The following PCLAF variants were observed in gnomAD, a reference collection of about 807,000 sequenced individuals.
The protein encoded by PCLAF is PCNA-associated factor.
Under a neutral mutation model 15.1 loss-of-function variants are expected in PCLAF, and 12 were observed. The ratio of observed to expected loss-of-function variants is 0.79; its 90% CI spans 0.51 to 1.29. PCLAF has a LOEUF of 1.29. PCLAF is among the 50% of genes most tolerant of loss of function. PCLAF has a pLI of 0.00. For synonymous variants in PCLAF, 33 were observed against 47.1 expected (o/e 0.70, Z 1.22); for missense variants, 116 against 130.9 (o/e 0.89, Z 0.56).
In PCLAF at chr15:64,381,274, A is replaced by T. The variant is rs201419596; in HGVS notation, c.46+52T>A. On this transcript the variant is annotated intron_variant, in intron 1 of 3. Coordinates refer to ENST00000300035, the MANE Select transcript of PCLAF (RefSeq NM_014736.6). ...CCTCTGGCGTCTGTCGCCCGTGGCCAGGCTGCCGGGAGGACCCCCCCGCCC... is the reference window on the plus strand; with the variant it reads ...CCTCTGGCGTCTGTCGCCCGTGGCCTGGCTGCCGGGAGGACCCCCCCGCCC... The T allele has an allele frequency of 2.4e-4, 384 of 1,604,296 alleles. 2 individuals carry two copies. Among genetic ancestry groups the T allele is most frequent in the Non-Finnish European group, 4.3e-5 (50 of 1,171,146 alleles).
In PCLAF at chr15:64,365,879, A is replaced by G; in HGVS notation, c.*151T>C. The G allele has an allele frequency of 1.5e-6, 1 of 655,654 alleles. No homozygotes were observed. Among genetic ancestry groups the G allele is most frequent in the Non-Finnish European group, 2.6e-6 (1 of 377,572 alleles). 40.6% of individuals were successfully genotyped at this position (655,654 alleles called of 1,614,324 possible). A position where few individuals can be genotyped will look rare whatever the true frequency, so the allele number is the denominator to read the frequency against. On this transcript the variant is annotated 3_prime_UTR_variant, in exon 4 of 4. Transcript: ENST00000300035. ...AGTCTTACAAATTCTCAAATTTCAC[A>G]ACTACTTTTGAACATCTAAATTTAA...
chr15:64,377,487 AAATATAT>A (rs1899645412), intron 2 of PCLAF, among the ~76,000 whole-genome samples: 4 of 39,702 alleles, frequency 1.0e-4, no homozygotes, highest in Non-Finnish European at 1.0e-4. Context: ...AAAAAAAAAA[AAATATAT>A]ATATATATAT....
chr15:64,383,704 G>A (rs1473489440), upstream of PCLAF, among the ~76,000 whole-genome samples: 3 of 152,046 alleles, frequency 2.0e-5, no homozygotes, highest in African/African-American at 7.2e-5. Context: ...TTCCTTTCCA[G>A]TTTAAGTGGC....
At chr15:64,385,928 G>A (rs760849552), upstream of PCLAF, among the ~76,000 whole-genome samples, 11 of 152,148 alleles carry the variant, frequency 7.2e-5, no homozygotes, top group Non-Finnish European at 1.2e-4. Context: ...TCACAACTTG[G>A]ACTGAGCCAG....
chr15:64,364,846 C>G lies in PCLAF; in HGVS notation c.*1184G>C, dbSNP rs1898967155. On this transcript the variant is annotated 3_prime_UTR_variant, in exon 4 of 4. Coordinates refer to ENST00000300035, the MANE Select transcript of PCLAF (RefSeq NM_014736.6). ...GGATTACAGGCATGTGCCACCATGC[C>G]TGGCTCATTTTTTCATTTTTAGTAG... 6.6e-6 allele frequency: 1 copy of G among 151,552 alleles called. No individual in the cohort carries two copies. Among genetic ancestry groups the G allele is most frequent in the Non-Finnish European group, 1.5e-5 (1 of 67,992 alleles). 9.4% of individuals were successfully genotyped at this position (151,552 alleles called of 1,614,324 possible).
chr15:64,377,116 A>G (rs2077521053), intron 2 of PCLAF, among the ~76,000 whole-genome samples: 1 of 152,068 alleles, frequency 6.6e-6, no homozygotes, highest in African/African-American at 2.4e-5. Flanking sequence ...CAATAACAGT[A>G]GTAACAGAAT....
rs553888960 is a variant in PCLAF at position 64,381,109 on chromosome 15, C to G, written c.47-71G>C. On this transcript the variant is annotated intron_variant, in intron 1 of 3. Coordinates refer to ENST00000300035, the MANE Select transcript of PCLAF (RefSeq NM_014736.6). ...TCCGACACCGAGTCCTGGACCCCAGCAGCTTGGAGAGGAGAGCCTGGCGAT... is the reference window on the plus strand; with the variant it reads ...TCCGACACCGAGTCCTGGACCCCAGGAGCTTGGAGAGGAGAGCCTGGCGAT... 1.9e-5 allele frequency: 28 copies of G among 1,461,598 alleles called. No individual in the cohort carries two copies. In the East Asian group the frequency reaches 6.4e-4, roughly 33 times the overall value. The allele number at this position is 1,461,598 out of a possible 1,614,324, so 90.5% of individuals were successfully genotyped here.
intron 3 of PCLAF, 84 bp from the exon 4 acceptor site, chr15:64,366,159 A>G: frequency 1.0e-6 from 1 of 957,144 alleles, no homozygotes; most frequent in Non-Finnish European, 1.6e-6. Flanking sequence ...TAAATCAGGA[A>G]CATTAATTAA....
intron 1 of PCLAF, 115 bp downstream of exon 1, chr15:64,381,211 G>A: frequency 7.4e-7 from 1 of 1,346,276 alleles, no homozygotes; most frequent in Non-Finnish European, 1.1e-6. Flanking sequence ...CTACTCCCTG[G>A]CTAGCTAGAT....
chr15:64,382,226 C>T (rs1345451907), upstream of PCLAF, among the ~76,000 whole-genome samples: 4 of 151,640 alleles, frequency 2.6e-5, no homozygotes. Flanking sequence ...CCCGTCTCTA[C>T]AAAAAATATA....
intron 3 of PCLAF, among the ~76,000 whole-genome samples, chr15:64,367,477 T>C (rs1899088394): frequency 6.6e-6 from 1 of 150,866 alleles, no homozygotes; most frequent in African/African-American, 2.4e-5. Context: ...CACTCCAGCC[T>C]GGGCAACAAG....
upstream of PCLAF, among the ~76,000 whole-genome samples, chr15:64,383,578 G>T (rs374372300): frequency 1.3e-5 from 2 of 152,074 alleles, no homozygotes; most frequent in South Asian, 2.1e-4. Context: ...TGTTGGCCAG[G>T]CTGGTCTCAA....
chr15:64,378,912 GA>G (rs1028747942), intron 2 of PCLAF, among the ~76,000 whole-genome samples: 144 of 137,100 alleles, frequency 1.1e-3, no homozygotes, highest in Admixed American at 1.2e-3. Context: ...CTGTGTCTCA[GA>G]AAAAAAAAAA....
At chr15:64,375,105 T>G (rs1899553875) in intron 3 of PCLAF, among the ~76,000 whole-genome samples, 2 of 152,082 alleles carry the variant, frequency 1.3e-5, no homozygotes, top group African/African-American at 4.8e-5. Context: ...TTTTCCATAT[T>G]GGTCATATTT....
At chr15:64,370,566 G>A (rs545120293) in intron 3 of PCLAF, among the ~76,000 whole-genome samples, 7 of 151,598 alleles carry the variant, frequency 4.6e-5, no homozygotes, top group Admixed American at 3.3e-4. Flanking sequence ...CGGGGGTTTC[G>A]CCGTGTTGGC....
Position 64,381,366 on chromosome 15 carries a change from C to T in PCLAF, c.6G>A (p.Val2=), listed in dbSNP as rs781735423. The change falls in exon 1 of 4, where the codon GTG becomes GTA. Residue 2 remains valine, a synonymous_variant. Transcript: ENST00000300035. M[V]RTKADSVPGT... Reference sequence around the variant, plus strand: ...CTGGAACACTGTCTGCTTTAGTCCGCACCATGTTCAAACAAGAAGAGAGGA... The same window carrying T: ...CTGGAACACTGTCTGCTTTAGTCCGTACCATGTTCAAACAAGAAGAGAGGA... 19 of 1,614,010 alleles carry T rather than the reference C, an allele frequency of 1.2e-5. No individual in the cohort carries two copies. Among genetic ancestry groups the T allele is most frequent in the Non-Finnish European group, 1.4e-5 (17 of 1,180,034 alleles).
chr15:64,383,181 AG>A (rs1406103543), upstream of PCLAF, among the ~76,000 whole-genome samples: 1 of 152,218 alleles, frequency 6.6e-6, no homozygotes, highest in Non-Finnish European at 1.5e-5. Flanking sequence ...CACAGATTTA[AG>A]GAATCTAGGC....
chr15:64,377,183 T>C (rs1899627561), intron 2 of PCLAF, among the ~76,000 whole-genome samples: 1 of 151,588 alleles, frequency 6.6e-6, no homozygotes, highest in Non-Finnish European at 1.5e-5. Flanking sequence ...ATTCAAATAC[T>C]CTTGCCGGGT....
intron 1 of PCLAF, 98 bp downstream of exon 1, chr15:64,381,228 G>T: frequency 6.9e-7 from 1 of 1,446,054 alleles, no homozygotes; most frequent in Non-Finnish European, 9.7e-7. Context: ...AGATGAGTTT[G>T]GCGCACAGGG....
Sources: allele counts gnomAD v4.1 joint callset (sites outside exome capture counted in the v4.1 genomes callset), GRCh38; gene constraint gnomAD v4.1.1; transcripts MANE v1.5; gene names NCBI Gene and HGNC (gene_info 2026-07-23, HGNC 2026-07-21).